The following FRMD4A variants were observed in gnomAD, a reference collection of about 807,000 sequenced individuals.
FRMD4A encodes FERM domain containing 4A, also known as FERM domain-containing protein 4A.
In FRMD4A, 29 loss-of-function variants were observed where a neutral mutation model predicts 129.1. The ratio of observed to expected loss-of-function variants is 0.22; its 90% CI spans 0.17 to 0.31. FRMD4A has a LOEUF of 0.31. Ranked by LOEUF, FRMD4A falls within the 10% of genes least tolerant of loss-of-function variation. The pLI, the probability that FRMD4A is intolerant of heterozygous loss-of-function variation, is 1.00. For missense variants in FRMD4A, 1,272 were observed against 1,375.8 expected (o/e 0.92, Z 1.19); for synonymous variants, 634 against 571.6 (o/e 1.11, Z -1.56).
chr10:13,820,146 G>A lies in FRMD4A; in HGVS notation c.112-9238C>T, dbSNP rs374718411. On this transcript the variant is annotated intron_variant, in intron 3 of 24. Coordinates refer to ENST00000357447, the MANE Select transcript of FRMD4A (RefSeq NM_018027.5). ...AGCTGGAAGAGGTGGGGAAGCGATT[G>A]TCCCCTCCAGCTGCCTCCAGAAATT... 2.1e-4 allele frequency among the ~76,000 whole-genome samples: 32 copies of A among 152,306 alleles called. 1 individual carries two copies. Among genetic ancestry groups the A allele is most frequent in the African/African-American group, 7.7e-4 (32 of 41,578 alleles).
intron 8 of FRMD4A, among the ~76,000 whole-genome samples, chr10:13,752,936 A>G (rs952758494): frequency 6.6e-6 from 1 of 152,186 alleles, no homozygotes; most frequent in Non-Finnish European, 1.5e-5. Flanking sequence ...GATGTGTTTA[A>G]TTCCAGGTGC....
chr10:13,929,934 C>A (rs1467359566), intron 2 of FRMD4A, among the ~76,000 whole-genome samples: 1 of 152,042 alleles, frequency 6.6e-6, no homozygotes, highest in Non-Finnish European at 1.5e-5. Context: ...ATTAGATATT[C>A]CATGAAAATC....
intron 2 of FRMD4A, among the ~76,000 whole-genome samples, chr10:14,145,797 G>A (rs1310571631): frequency 6.6e-6 from 1 of 152,104 alleles, no homozygotes; most frequent in African/African-American, 2.4e-5. Context: ...GAGAGAGAGA[G>A]AAACTGACCA....
intron 15 of FRMD4A, among the ~76,000 whole-genome samples, chr10:13,679,668 T>C (rs1330839968): frequency 2.6e-5 from 4 of 151,626 alleles, no homozygotes; most frequent in Non-Finnish European, 5.9e-5. Flanking sequence ...ACCTGCTGCA[T>C]GTATTCAGGT....
intron 2 of FRMD4A, among the ~76,000 whole-genome samples, chr10:14,213,429 C>A (rs796993469): frequency 5.9e-5 from 9 of 152,220 alleles, no homozygotes; most frequent in African/African-American, 2.2e-4. Context: ...TCTTTGAGCT[C>A]AGAGAGGGTA....
At chr10:13,874,684 G>A (rs2094472031) in intron 2 of FRMD4A, among the ~76,000 whole-genome samples, 1 of 152,182 alleles carries the variant, frequency 6.6e-6, no homozygotes, top group Admixed American at 6.5e-5. Context: ...AATGCAAACA[G>A]CTAAAAAGTC....
chr10:13,822,776 T>C (rs1406560105), intron 3 of FRMD4A, among the ~76,000 whole-genome samples: 1 of 152,090 alleles, frequency 6.6e-6, no homozygotes, highest in Non-Finnish European at 1.5e-5. Flanking sequence ...GGAAAGGATA[T>C]GTCATGTCCC....
At chr10:13,962,848 C>T (rs2095454769) in intron 2 of FRMD4A, among the ~76,000 whole-genome samples, 1 of 152,144 alleles carries the variant, frequency 6.6e-6, no homozygotes, top group African/African-American at 2.4e-5. Flanking sequence ...AATTGTAAAC[C>T]TCCAAACAAA....
At chr10:14,096,708 G>T (rs1181264738) in intron 2 of FRMD4A, among the ~76,000 whole-genome samples, 3 of 152,194 alleles carry the variant, frequency 2.0e-5, no homozygotes, top group Admixed American at 6.5e-5. Flanking sequence ...ACTCTGCTCT[G>T]CAGGAGTTGA....
intron 3 of FRMD4A, among the ~76,000 whole-genome samples, chr10:13,851,032 C>G (rs986000283): frequency 2.0e-4 from 30 of 152,100 alleles, no homozygotes; most frequent in African/African-American, 7.2e-4. Flanking sequence ...CTGGCCAACA[C>G]AGTGAAATCC....
At chr10:14,113,224 C>G (rs893956653) in intron 2 of FRMD4A, among the ~76,000 whole-genome samples, 6 of 152,184 alleles carry the variant, frequency 3.9e-5, no homozygotes, top group African/African-American at 1.4e-4. Flanking sequence ...TGCGGTTGAG[C>G]TGCCAGGGTC....
chr10:13,993,525 T>A (rs960905424), intron 2 of FRMD4A, among the ~76,000 whole-genome samples: 7 of 152,230 alleles, frequency 4.6e-5, no homozygotes, highest in Admixed American at 2.0e-4. Context: ...AAATTTGAGT[T>A]AGCAAAATAT....
intron 15 of FRMD4A, chr10:13,693,497 A>AGT: frequency 8.6e-7 from 1 of 1,163,320 alleles, no homozygotes; most frequent in Non-Finnish European, 1.1e-6. Context: ...AGTAGAATGC[A>AGT]GTGTCTCCTG....
At chr10:14,314,218 A>T (rs1333087796) in intron 2 of FRMD4A, among the ~76,000 whole-genome samples, 1 of 151,922 alleles carries the variant, frequency 6.6e-6, no homozygotes, top group East Asian at 1.9e-4. Flanking sequence ...ATAACCTAAC[A>T]CTTTTGCCAC....
At chr10:14,230,206 G>A (rs1477485766) in intron 2 of FRMD4A, among the ~76,000 whole-genome samples, 1 of 152,124 alleles carries the variant, frequency 6.6e-6, no homozygotes, top group Non-Finnish European at 1.5e-5. Context: ...CAGAAATGTG[G>A]GGCCCTCTCC....
intron 21 of FRMD4A, among the ~76,000 whole-genome samples, chr10:13,657,779 G>T (rs568324990): frequency 1.5e-5 from 2 of 129,720 alleles, no homozygotes; most frequent in African/African-American, 7.2e-5. Context: ...GAAAGGTTTC[G>T]ATTTCTGGGT....
chr10:14,004,359 A>G (rs1444756168), intron 2 of FRMD4A, among the ~76,000 whole-genome samples: 5 of 152,350 alleles, frequency 3.3e-5, no homozygotes, highest in East Asian at 1.9e-4. Flanking sequence ...CCTGGCCAAC[A>G]TGGTGAAACC....
At chr10:13,722,016 G>A (rs1424747876) in intron 12 of FRMD4A, among the ~76,000 whole-genome samples, 1 of 152,186 alleles carries the variant, frequency 6.6e-6, no homozygotes, top group Non-Finnish European at 1.5e-5. Context: ...CCTGTTCAAA[G>A]GCCAGAGAAG....
At chr10:14,278,746 A>G (rs1845423141) in intron 2 of FRMD4A, among the ~76,000 whole-genome samples, 1 of 152,136 alleles carries the variant, frequency 6.6e-6, no homozygotes, top group African/African-American at 2.4e-5. Flanking sequence ...CACACTTTAC[A>G]TCTCCCAAGC....
Sources: gnomAD v4.1 joint callset for allele counts (sites outside exome capture counted in the v4.1 genomes callset) on GRCh38, gnomAD v4.1.1 for gene constraint, MANE v1.5 for transcripts, NCBI Gene and HGNC (gene_info 2026-07-23, HGNC 2026-07-21) for gene names.